VWA8: variants seen among roughly 807,000 people sequenced by gnomAD.
VWA8 encodes von Willebrand factor A domain containing 8.
A neutral mutation model predicts 241.5 loss-of-function variants in VWA8; 221 were observed. The observed-to-expected ratio is 0.91, with a 90% CI of 0.82 to 1.02. The LOEUF is 1.02. VWA8 is among the 50% of genes least tolerant of loss of function. The pLI, the probability that VWA8 is intolerant of heterozygous loss-of-function variation, is 0.00. For missense variants in VWA8, 2,322 were observed against 2,328.7 expected, an observed-to-expected ratio of 1.00 and a Z score of 0.06; for synonymous variants, 852 against 827.1, an observed-to-expected ratio of 1.03 and a Z score of -0.52.
intron 3 of VWA8, 139 bp downstream of exon 3, chr13:41,911,899 T>C: frequency 9.1e-6 from 10 of 1,096,240 alleles, no homozygotes; most frequent in Non-Finnish European, 1.2e-5. Flanking sequence ...AAACACTTTA[T>C]AAACAAATCA....
chr13:41,711,721 A>T (rs1050777024), intron 26 of VWA8, among the ~76,000 whole-genome samples: 9 of 152,050 alleles, frequency 5.9e-5, no homozygotes, highest in Admixed American at 5.2e-4. Context: ...AAAAATACAA[A>T]AAATTAGCGG....
At chr13:41,605,031 G>A (rs2044544127) in intron 40 of VWA8, 137 bp downstream of exon 40, 3 of 739,162 alleles carry the variant, frequency 4.1e-6, no homozygotes, top group Non-Finnish European at 6.6e-6. Flanking sequence ...GGATAGTCCA[G>A]TTTTATGCAG....
chr13:41,641,689 T>C (rs2044796181), intron 37 of VWA8, among the ~76,000 whole-genome samples: 1 of 152,062 alleles, frequency 6.6e-6, no homozygotes, highest in African/African-American at 2.4e-5. Flanking sequence ...GAATGATGTC[T>C]CCCCTGACAA....
chr13:41,780,617 T>C (rs1439702701), intron 19 of VWA8, among the ~76,000 whole-genome samples: 5 of 152,192 alleles, frequency 3.3e-5, no homozygotes, highest in Non-Finnish European at 7.3e-5. Flanking sequence ...ATCTCTAGCC[T>C]AGATTTGTAT....
intron 40 of VWA8, among the ~76,000 whole-genome samples, chr13:41,598,425 A>T (rs889319164): frequency 1.3e-5 from 2 of 152,112 alleles, no homozygotes; most frequent in African/African-American, 2.4e-5. Flanking sequence ...TTGAGTTTTT[A>T]AAAAATATAT....
intron 2 of VWA8, among the ~76,000 whole-genome samples, chr13:41,916,867 T>C (rs1392725876): frequency 6.6e-6 from 1 of 152,146 alleles, no homozygotes; most frequent in Non-Finnish European, 1.5e-5. Flanking sequence ...AATATAAACA[T>C]AGCACAGTAC....
chr13:41,835,041 T>G (rs1593804275), intron 12 of VWA8, among the ~76,000 whole-genome samples: 1 of 152,132 alleles, frequency 6.6e-6, no homozygotes, highest in Non-Finnish European at 1.5e-5. Flanking sequence ...TGAGAACACA[T>G]GCACACATGG....
Position 41,671,115 on chromosome 13 carries a change from A to C in VWA8, c.4442T>G (p.Leu1481Arg). 1 of 1,613,934 alleles carries C rather than the reference A, an allele frequency of 6.2e-7. No individual in the cohort carries two copies. The highest frequency in any genetic ancestry group is 1.1e-5 in the South Asian group (1 of 91,084). The change falls in exon 37 of 45, where the codon CTG becomes CGG. Residue 1481 changes from leucine to arginine, a missense_variant. Coordinates refer to ENST00000379310, the MANE Select transcript of VWA8 (RefSeq NM_015058.2). ...SESLSPYTTW[L>R]STISDTDALL... is the part of the protein sequence containing the mutation. ...TGCATCTGTGTCTGAAATGGTCGAC[A>C]GCCATGTGGTATACGGCGAGAGAGA... is the stretch of plus-strand genomic sequence containing the variant.
At chr13:41,931,703 TAAAA>T (rs140348272) in intron 2 of VWA8, among the ~76,000 whole-genome samples, 1 of 147,988 alleles carries the variant, frequency 6.8e-6, no homozygotes, top group South Asian at 2.1e-4. Flanking sequence ...TATAAAAAAT[TAAAA>T]AAAAAACTAA....
chr13:41,835,652 A>G (rs1265394660), intron 12 of VWA8, among the ~76,000 whole-genome samples: 14 of 152,184 alleles, frequency 9.2e-5, no homozygotes. Flanking sequence ...CAAAATCAAA[A>G]TAAGTGTCTG....
chr13:41,663,063 T>C (rs1466836624), intron 37 of VWA8, among the ~76,000 whole-genome samples: 1 of 152,178 alleles, frequency 6.6e-6, no homozygotes, highest in Non-Finnish European at 1.5e-5. Flanking sequence ...ATCATTTATT[T>C]TTCAGGGACT....
At chr13:41,649,576 G>C (rs1181161348) in intron 37 of VWA8, among the ~76,000 whole-genome samples, 1 of 151,960 alleles carries the variant, frequency 6.6e-6, no homozygotes, top group Non-Finnish European at 1.5e-5. Context: ...TTTTCCATTA[G>C]TATTTTGAGT....
chr13:41,762,338 T>C (rs2045746806), intron 20 of VWA8, among the ~76,000 whole-genome samples: 1 of 152,080 alleles, frequency 6.6e-6, no homozygotes, highest in Non-Finnish European at 1.5e-5. Flanking sequence ...TAAAATTATT[T>C]CAACCTCACA....
chr13:41,897,862 C>G (rs1337871951), intron 4 of VWA8, among the ~76,000 whole-genome samples: 1 of 152,150 alleles, frequency 6.6e-6, no homozygotes, highest in Non-Finnish European at 1.5e-5. Context: ...CCACTGCTGG[C>G]TCCGGCAGCC....
chr13:41,798,415 A>G (rs182190061), intron 17 of VWA8, among the ~76,000 whole-genome samples: 22 of 152,316 alleles, frequency 1.4e-4, no homozygotes, highest in African/African-American at 4.8e-4. Context: ...CTGAAAATGT[A>G]TTCCGCTAGG....
At chr13:41,658,232 G>A (rs185418770) in intron 37 of VWA8, among the ~76,000 whole-genome samples, 4 of 152,370 alleles carry the variant, frequency 2.6e-5, no homozygotes, top group Admixed American at 1.3e-4. Context: ...GCTGACGTGA[G>A]AGGATAGATG....
At chr13:41,677,389 G>A (rs1392991024) in intron 35 of VWA8, among the ~76,000 whole-genome samples, 1 of 152,184 alleles carries the variant, frequency 6.6e-6, no homozygotes, top group African/African-American at 2.4e-5. Context: ...CAGAAACACT[G>A]CTTAGTCTTC....
At chr13:41,600,291 C>G (rs1186978015) in intron 40 of VWA8, among the ~76,000 whole-genome samples, 4 of 152,080 alleles carry the variant, frequency 2.6e-5, no homozygotes, top group Admixed American at 2.6e-4. Context: ...TAGAGATGCC[C>G]ATAGTCATGC....
intron 32 of VWA8, 41 bp downstream of exon 32, chr13:41,691,279 G>A: frequency 1.3e-6 from 2 of 1,587,710 alleles, no homozygotes; most frequent in Non-Finnish European, 1.7e-6. Flanking sequence ...ATAAGATTGA[G>A]CTACAACATA....
Sources: allele counts gnomAD v4.1 joint callset (sites outside exome capture counted in the v4.1 genomes callset), GRCh38; gene constraint gnomAD v4.1.1; transcripts MANE v1.5; gene names NCBI Gene and HGNC (gene_info 2026-07-23, HGNC 2026-07-21).